MUC4: variants seen among roughly 807,000 people sequenced by gnomAD.
The protein encoded by MUC4 is mucin-4.
In MUC4, 202 loss-of-function variants were observed where a neutral mutation model predicts 257.9. The ratio of observed to expected loss-of-function variants is 0.78; its 90% CI spans 0.70 to 0.88. The LOEUF is 0.88. MUC4 is among the 40% of genes least tolerant of loss of function. The pLI is 0.00. For missense variants in MUC4, 5,976 were observed against 6,513.7 expected, an observed-to-expected ratio of 0.92 and a Z score of 2.84; for synonymous variants, 2,351 against 2,757.1, an observed-to-expected ratio of 0.85 and a Z score of 4.62.
chr3:195,775,859 GCCA>G (rs1560285201), intron 3 of MUC4, among the ~76,000 whole-genome samples: 6 of 58,928 alleles, frequency 1.0e-4, no homozygotes, highest in Non-Finnish European at 1.8e-4. Flanking sequence ...ACCTTCCACG[GCCA>G]TACCTTCCAC....
chr3:195,762,190 G>T lies in MUC4; in HGVS notation c.14409C>A (p.Ser4803Arg), dbSNP rs747405414. 1.2e-6 allele frequency: 2 copies of T among 1,603,648 alleles called. No homozygotes were observed. The highest frequency in any genetic ancestry group is 3.4e-5 in the Admixed American group (2 of 58,954). The change falls in exon 14 of 25, where the codon AGC becomes AGA. Residue 4803 changes from serine to arginine, a missense_variant. Around this residue, in one of 44 missense-constraint regions of MUC4, gnomAD observed 996 missense variants for 1,137.3 expected, o/e 0.88. Transcript: ENST00000463781. ...CCGAGACGGTGGCCCAGCCGTCGAA[G>T]CTGGCCGAGACCTCAGAGCCGTTGC... The part of the protein sequence containing the change: ...LSRNGSEVSA[S>R]FDGWATVSVI...
chr3:195,779,447 C>T lies in MUC4; in HGVS notation c.12133G>A (p.Asp4045Asn). 3.7e-6 allele frequency: 2 copies of T among 542,934 alleles called. No homozygotes were observed. Among genetic ancestry groups the T allele is most frequent in the Non-Finnish European group, 5.0e-6 (2 of 399,448 alleles). 33.6% of individuals were successfully genotyped at this position (542,934 alleles called of 1,614,324 possible). A position where few individuals can be genotyped will look rare whatever the true frequency, so the allele number is the denominator to read the frequency against. The change falls in exon 2 of 25, where the codon GAC becomes AAC. Residue 4045 changes from aspartate (D) to asparagine (N), a missense_variant. Coordinates refer to ENST00000463781, the MANE Select transcript of MUC4 (RefSeq NM_018406.7). Reference protein sequence around the residue: ...VTSTSSASTGDTTPLPVTNAS... With the variant: ...VTSTSSASTGNTTPLPVTNAS... ...TTGGTGACAGGAAGAGGGGTGGTGT[C>T]ACCTGTGGATGCTGAGGAAGTGCTG...
chr3:195,748,325 A>G (rs1468698289), intron 24 of MUC4, among the ~76,000 whole-genome samples: 4 of 152,258 alleles, frequency 2.6e-5, no homozygotes, highest in African/African-American at 9.6e-5. Flanking sequence ...GCACTTTGGG[A>G]GGCCAAGGTG....
rs771363575 is a variant in MUC4 at position 195,771,663 on chromosome 3, T to G, written c.13231A>C (p.Thr4411Pro). ...DADFSTGRGT[T>P]FYQEYETFYG... Reference sequence around the variant, plus strand: ...TTTGAAAGGCTCACCTGATAAAATGTGGTCCCCCGACCAGTGGAGAAGTCA... The same window carrying G: ...TTTGAAAGGCTCACCTGATAAAATGGGGTCCCCCGACCAGTGGAGAAGTCA... Residue 4411 changes from threonine to proline, a missense_variant, in exon 5 of 25, where the codon ACA becomes CCA. Transcript: ENST00000463781. 1 of 1,613,510 alleles carries G rather than the reference T, an allele frequency of 6.2e-7. No homozygotes were observed. Among genetic ancestry groups the G allele is most frequent in the Non-Finnish European group, 8.5e-7 (1 of 1,179,572 alleles).
intron 3 of MUC4, among the ~76,000 whole-genome samples, chr3:195,778,031 G>T: frequency 6.6e-6 from 1 of 152,178 alleles, no homozygotes; most frequent in Non-Finnish European, 1.5e-5. Context: ...TCCATTGTGT[G>T]CACTTAGACC....
chr3:195,771,988 T>A (rs2641779), intron 4 of MUC4, among the ~76,000 whole-genome samples, 172 bp from the exon 5 acceptor site: 128,999 of 152,188 alleles, frequency 0.85, 55,313 homozygotes, highest in African/African-American at 0.97. Flanking sequence ...TTTCCATATA[T>A]TCTCACAGAA....
At chr3:195,803,241 G>A (rs112561688) in intron 1 of MUC4, among the ~76,000 whole-genome samples, 56 of 152,312 alleles carry the variant, frequency 3.7e-4, no homozygotes, top group African/African-American at 1.2e-3. Flanking sequence ...GGACCCAGAA[G>A]AGCCACCAGA....
rs1278080883 is a variant in MUC4, at chr3:195,755,806, C to G, written c.15168+1341G>C. 1.3e-5 allele frequency among the ~76,000 whole-genome samples: 2 copies of G among 152,118 alleles called. No homozygotes were observed. Among genetic ancestry groups the G allele is most frequent in the South Asian group, 2.1e-4 (1 of 4,828 alleles). On this transcript the variant is annotated intron_variant, in intron 18 of 24. Coordinates refer to ENST00000463781, the MANE Select transcript of MUC4 (RefSeq NM_018406.7). This position sits in a 1 kb window ranked among gnomAD's most constrained non-coding sequence, Gnocchi z 5.0. ...CCTACCCCACCAACCGTCCCTACCT[C>G]TATCCCTTTCGAGTACCCATTCTCT...
chr3:195,757,297 C>T lies in MUC4; in HGVS notation c.15018G>A (p.Ser5006=), dbSNP rs897941346. The change falls in exon 18 of 25, where the codon TCG becomes TCA. Residue 5006 remains serine, a synonymous_variant. Transcript: ENST00000463781. The surrounding 1 kb of genome is among the most constrained non-coding windows in gnomAD (Gnocchi z 4.8). ...ENGTLLWTPK[S]LEPFTLEILA... is the part of the protein sequence containing the mutation. ...GAATCTCCAGAGTGAATGGCTCCAG[C>T]GACTTGGGTGTCCACAGCAACGTCC... 9.3e-6 allele frequency: 15 copies of T among 1,609,062 alleles called. No individual in the cohort carries two copies. The highest frequency in any genetic ancestry group is 1.7e-5 in the Admixed American group (1 of 59,904).
chr3:195,767,922 C>CACCAT (rs1319865513), intron 7 of MUC4, among the ~76,000 whole-genome samples: 1 of 119,138 alleles, frequency 8.4e-6, no homozygotes, highest in African/African-American at 3.0e-5. Flanking sequence ...ATCGCCACTG[C>CACCAT]CACCTCCACC....
chr3:195,778,566 T>A (rs1474360964), intron 2 of MUC4, 111 bp from the exon 3 acceptor site: 3 of 1,422,702 alleles, frequency 2.1e-6, no homozygotes, highest in Admixed American at 4.8e-5. Context: ...ACTCCTTGTC[T>A]CTCCCCTGCT....
chr3:195,788,587 G>C lies in MUC4; in HGVS notation c.2993C>G (p.Ala998Gly), dbSNP rs753661199. The C allele has an allele frequency of 6.4e-7, 1 of 1,569,460 alleles. No homozygotes were observed. The highest frequency in any genetic ancestry group is 1.9e-5 in the Admixed American group (1 of 52,086). ...GGCGTGACCTGTGGATACTGAGGAA[G>C]CATCGGTGACATGAAGAGGGGTGGT... ...GHTTPLHVTD[A>G]SSVSTGHATP... is the part of the protein sequence containing the mutation. Residue 998 changes from alanine to glycine, a missense_variant, in exon 2 of 25, where the codon GCT becomes GGT. Ala to Gly is a moderately conservative substitution (Grantham distance 60, BLOSUM62 0). Transcript: ENST00000463781.
intron 13 of MUC4, among the ~76,000 whole-genome samples, chr3:195,762,613 C>T (rs1443219997): frequency 6.8e-6 from 1 of 147,510 alleles, no homozygotes; most frequent in East Asian, 2.0e-4. Context: ...TGCACCGCCA[C>T]GCACCCGGCC....
Position 195,762,288 on chromosome 3 carries a change from G to C in MUC4, c.14345-34C>G, listed in dbSNP as rs774438548. Reference sequence around the variant, plus strand: ...TCGGGAGGCAGCGGAGAGGAAGCCAGGTCGGCACCACGGCCCGCACCAAAC... The same window carrying C: ...TCGGGAGGCAGCGGAGAGGAAGCCACGTCGGCACCACGGCCCGCACCAAAC... On this transcript the variant is annotated intron_variant, in intron 13 of 24. Transcript: ENST00000463781. 3.0e-5 allele frequency: 46 copies of C among 1,543,640 alleles called. 1 individual carries two copies. The highest frequency in any genetic ancestry group is 1.9e-4 in the Middle Eastern group (1 of 5,376).
At position 195,761,592 on chromosome 3, in the gene MUC4, G is replaced by A; in HGVS notation, c.14513-7C>T. The A allele has an allele frequency of 6.2e-7, 1 of 1,610,904 alleles. No individual in the cohort carries two copies. The highest frequency in any genetic ancestry group is 1.7e-4 in the Middle Eastern group (1 of 6,048). ...GGATTGTTATTCCAGACCCCTGAGG[G>A]ACAGAGTGGGAGGTTGGCCACCCTG... On this transcript the variant is annotated splice_polypyrimidine_tract_variant and splice_region_variant and intron_variant, in intron 14 of 24. Coordinates refer to ENST00000463781, the MANE Select transcript of MUC4 (RefSeq NM_018406.7).
In MUC4 at chr3:195,763,478, G is replaced by T; in HGVS notation, c.14208C>A (p.Ile4736=). ...QTGSAQATNF[I]AFAAQYRSSS... Reference sequence around the variant, plus strand: ...TGGAGCGGTACTGAGCCGCAAAGGCGATGAAGTTGGTGGCCTGGGCTGAGC... The same window carrying T: ...TGGAGCGGTACTGAGCCGCAAAGGCTATGAAGTTGGTGGCCTGGGCTGAGC... The change falls in exon 12 of 25, where the codon ATC becomes ATA. Residue 4736 remains isoleucine, a synonymous_variant. Transcript: ENST00000463781. 6.6e-7 allele frequency: 1 copy of T among 1,506,424 alleles called. No individual in the cohort carries two copies. The highest frequency in any genetic ancestry group is 8.9e-7 in the Non-Finnish European group (1 of 1,120,716). The allele number at this position is 1,506,424 out of a possible 1,614,324, so 93.3% of individuals were successfully genotyped here.
chr3:195,754,424 C>T (rs1717108108), intron 18 of MUC4, 52 bp from the exon 19 acceptor site: 3 of 1,560,754 alleles, frequency 1.9e-6, no homozygotes, highest in African/African-American at 1.4e-5. Flanking sequence ...CTGGGAAGGG[C>T]TTCTGGGTGT....
intron 2 of MUC4, 87 bp downstream of exon 2, chr3:195,778,703 A>G (rs1172313244): frequency 2.1e-6 from 3 of 1,421,584 alleles, no homozygotes; most frequent in Non-Finnish European, 1.9e-6. Flanking sequence ...GGTAATGCGA[A>G]TGCACCAGTG....
chr3:195,781,151 T>C lies in MUC4; in HGVS notation c.10429A>G (p.Ser3477Gly), dbSNP rs879646659. The change falls in exon 2 of 25, where the codon AGC becomes GGC. Residue 3477 changes from serine to glycine, a missense_variant. Ser to Gly is a moderately conservative substitution (Grantham distance 56, BLOSUM62 0). Transcript: ENST00000463781. ...TGDTTPLPVTSPSSASTGHTT... is the reference protein window; with the variant it reads ...TGDTTPLPVTGPSSASTGHTT... The stretch of plus-strand genomic sequence containing the variant: ...TGACCTGTAGATGCTGAGGAAGGGC[T>C]GGTGACAGGAAGAGGGGTGGTGTCA... 4,688 of 1,419,694 alleles carry C rather than the reference T, an allele frequency of 3.3e-3. 32 individuals are homozygous for C. Among genetic ancestry groups the C allele is most frequent in the East Asian group, 0.017 (620 of 36,696 alleles). The allele number at this position is 1,419,694 out of a possible 1,614,324, so 87.9% of individuals were successfully genotyped here. A position where few individuals can be genotyped will look rare whatever the true frequency, so the allele number is the denominator to read the frequency against.
Sources: allele counts gnomAD v4.1 joint callset (sites outside exome capture counted in the v4.1 genomes callset), GRCh38; gene constraint gnomAD v4.1.1; regional missense constraint gnomAD v4.1.1; non-coding constraint Gnocchi (gnomAD v3.1); transcripts MANE v1.5; gene names NCBI Gene and HGNC (gene_info 2026-07-23, HGNC 2026-07-21).